The following C11orf24 variants were observed in gnomAD, a reference collection of about 807,000 sequenced individuals.
The protein encoded by C11orf24 is uncharacterized protein C11orf24.
Under a neutral mutation model 7.3 loss-of-function variants are expected in C11orf24, and 5 were observed. The ratio of observed to expected loss-of-function variants is 0.69; its 90% CI spans 0.36 to 1.45. The LOEUF is 1.45. Ranked by LOEUF, C11orf24 falls within the 40% of genes most tolerant of loss-of-function variation. C11orf24 has a pLI of 0.03. For synonymous variants in C11orf24, 233 were observed against 235.7 expected (o/e 0.99, Z 0.11); for missense variants, 566 against 590.5 (o/e 0.96, Z 0.43).
Position 68,261,408 on chromosome 11 carries a change from C to G in C11orf24, c.*237G>C. 1 of 500,282 alleles carries G rather than the reference C, an allele frequency of 2.0e-6. No individual in the cohort carries two copies. Among genetic ancestry groups the G allele is most frequent in the South Asian group, 2.6e-5 (1 of 38,372 alleles). The allele number at this position is 500,282 out of a possible 1,614,324, so 31.0% of individuals were successfully genotyped here. On this transcript the variant is annotated 3_prime_UTR_variant, in exon 4 of 4. Transcript: ENST00000304271. ...GGGAGACGGGGTCCTGCCCGCCCCA[C>G]CCTGAGGTGGAACCCCCAGCTGCTC...
intron 1 of C11orf24, among the ~76,000 whole-genome samples, chr11:68,271,312 A>G (rs2098567820): frequency 6.6e-6 from 1 of 152,178 alleles, no homozygotes; most frequent in Admixed American, 6.5e-5. Flanking sequence ...GGGGGCTACT[A>G]AGTGACTCGC....
At position 68,262,644 on chromosome 11, in the gene C11orf24, G is replaced by C; in HGVS notation, c.351C>G (p.Ala117=). ...PTAVASSTTA[A]SITTAASSMT... Reference sequence around the variant, plus strand: ...TACTGGAGGCCGCAGTCGTAATGGAGGCCGCAGTCGTACTGGAGGCCACAG... The same window carrying C: ...TACTGGAGGCCGCAGTCGTAATGGACGCCGCAGTCGTACTGGAGGCCACAG... Residue 117 remains alanine, a synonymous_variant, in exon 4 of 4, where the codon GCC becomes GCG. Transcript: ENST00000304271. 6.2e-7 allele frequency: 1 copy of C among 1,614,018 alleles called. No homozygotes were observed. Among genetic ancestry groups the C allele is most frequent in the Middle Eastern group, 1.6e-4 (1 of 6,062 alleles).
intron 2 of C11orf24, among the ~76,000 whole-genome samples, chr11:68,265,834 T>C (rs886178503): frequency 2.0e-5 from 3 of 152,158 alleles, no homozygotes; most frequent in Non-Finnish European, 4.4e-5. Context: ...TTTGTTTTGT[T>C]AGATAAAATA....
chr11:68,269,366 G>C (rs2098566757), intron 1 of C11orf24, among the ~76,000 whole-genome samples: 1 of 152,206 alleles, frequency 6.6e-6, no homozygotes, highest in South Asian at 2.1e-4. Context: ...ATAATGCAAA[G>C]ATGTCAACCG....
chr11:68,262,452 G>A lies in C11orf24; in HGVS notation c.543C>T (p.Thr181=), dbSNP rs774065222. ...TGCTGAGAGATGGATGCCCAGTGGC[G>A]GTAGTGGACGGGGTCCGCCCTGTGG... is the stretch of plus-strand genomic sequence containing the variant. ...STSTGRTPST[T]ATGHPSLSTA... Residue 181 remains threonine (T), a synonymous_variant, in exon 4 of 4, where the codon ACC becomes ACT. Coordinates refer to ENST00000304271, the MANE Select transcript of C11orf24 (RefSeq NM_022338.4). 1.9e-5 allele frequency: 30 copies of A among 1,614,036 alleles called. No individual in the cohort carries two copies. The highest frequency in any genetic ancestry group is 4.4e-5 in the South Asian group (4 of 91,094).
At chr11:68,264,549 T>TCTAC in intron 2 of C11orf24, among the ~76,000 whole-genome samples, 1 of 2,444 alleles carries the variant, frequency 4.1e-4, no homozygotes, top group South Asian at 0.012. Flanking sequence ...CATCCATCCA[T>TCTAC]CCATCCACCC....
Position 68,262,727 on chromosome 11 carries a change from T to A in C11orf24, c.268A>T (p.Ser90Cys), listed in dbSNP as rs1250758737. Reference sequence around the variant, plus strand: ...GCACCTCCTGAAGTTGCTGGTTCACTCACATCTGTCCTGCTTGTGTCCTCT... The same window carrying A: ...GCACCTCCTGAAGTTGCTGGTTCACACACATCTGTCCTGCTTGTGTCCTCT... The part of the protein sequence containing the change: ...TTEDTSRTDV[S>C]EPATSGGAAD... Residue 90 changes from serine to cysteine, a missense_variant, in exon 4 of 4, where the codon AGT becomes TGT. Physicochemically the swap from Ser to Cys is moderately radical, Grantham distance 112. Transcript: ENST00000304271. 6 of 1,614,200 alleles carry A rather than the reference T, an allele frequency of 3.7e-6. No individual in the cohort carries two copies. Among genetic ancestry groups the A allele is most frequent in the Non-Finnish European group, 5.1e-6 (6 of 1,180,020 alleles).
chr11:68,262,020 C>T lies in C11orf24; in HGVS notation c.975G>A (p.Gln325=). ...PEMEAMSPTT[Q]PSPMPYTQRA... ...TCTGGGTATATGGCATGGGGCTTGG[C>T]TGTGTCGTGGGGGACATGGCCTCCA... The change falls in exon 4 of 4, where the codon CAG becomes CAA. Residue 325 remains glutamine (Q), a synonymous_variant. Coordinates refer to ENST00000304271, the MANE Select transcript of C11orf24 (RefSeq NM_022338.4). The T allele has an allele frequency of 6.2e-7, 1 of 1,613,960 alleles. No homozygotes were observed. Among genetic ancestry groups the T allele is most frequent in the Non-Finnish European group, 8.5e-7 (1 of 1,180,024 alleles).
intron 2 of C11orf24, among the ~76,000 whole-genome samples, chr11:68,265,969 C>T (rs150322208): frequency 8.9e-4 from 135 of 152,234 alleles, no homozygotes; most frequent in Middle Eastern, 6.8e-3. Context: ...CACTCAGGGA[C>T]GAAGGGGCCA....
Position 68,262,383 on chromosome 11 carries a change from T to C in C11orf24, c.612A>G (p.Thr204=), listed in dbSNP as rs770581850. The C allele has an allele frequency of 4.2e-5, 68 of 1,614,062 alleles. No individual in the cohort carries two copies. The African/African-American group carries it at 8.8e-4, about 21-fold the overall frequency. ...QVPKSSALPR[T]ATLATLATRA... ...GTGTGGCCAATGTGGCCAGGGTTGC[T>C]GTTCTTGGCAACGCGCTGCTCTTTG... Residue 204 remains threonine (T), a synonymous_variant, in exon 4 of 4, where the codon ACA becomes ACG. Coordinates refer to ENST00000304271, the MANE Select transcript of C11orf24 (RefSeq NM_022338.4).
rs773283910 is a variant in C11orf24, at chr11:68,261,860, T to G, written c.1135A>C (p.Ser379Arg). 1.4e-5 allele frequency: 23 copies of G among 1,614,098 alleles called. No individual in the cohort carries two copies. The highest frequency in any genetic ancestry group is 1.7e-5 in the Non-Finnish European group (20 of 1,180,026). ...ACCACCATGTACTGGCCTTGGGTGC[T>G]GGGCTGGCACGAGTCCGTGGCTGGC... ...KMPATDSCQP[S>R]TQGQYMVVTT... The change falls in exon 4 of 4, where the codon AGC (serine) becomes CGC (arginine). Residue 379 changes from serine to arginine, a missense_variant. Transcript: ENST00000304271.
rs1016219484 is a variant in C11orf24 at position 68,265,438 on chromosome 11, T to C, written c.-99-1572A>G. 2.6e-5 allele frequency among the ~76,000 whole-genome samples: 4 copies of C among 152,284 alleles called. No individual in the cohort carries two copies. The South Asian group carries it at 6.2e-4, about 24-fold the overall frequency. ...CAGTGGTCCCCACAGCCGGCCCAAG[T>C]TGCTGTAAAGCAAAGCCCTCTCCTT... On this transcript the variant is annotated intron_variant, in intron 2 of 3. Coordinates refer to ENST00000304271, the MANE Select transcript of C11orf24 (RefSeq NM_022338.4).
At position 68,261,711 on chromosome 11, in the gene C11orf24, G is replaced by T; in HGVS notation, c.1284C>A (p.Tyr428Ter). 6.2e-7 allele frequency: 1 copy of T among 1,614,148 alleles called. No homozygotes were observed. Among genetic ancestry groups the T allele is most frequent in the Non-Finnish European group, 8.5e-7 (1 of 1,180,008 alleles). The change falls in exon 4 of 4, where the codon TAC becomes TAA. Residue 428 changes from tyrosine (Y) to a stop codon, truncating the protein, a stop_gained. Coordinates refer to ENST00000304271, the MANE Select transcript of C11orf24 (RefSeq NM_022338.4). LOFTEE classifies it high-confidence loss of function. ...VLFALQAYES[Y>*]KKKDYTQVDY... is the part of the protein sequence containing the mutation. ...CCACCTGGGTGTAGTCCTTCTTCTT[G>T]TAGCTCTCATAGGCCTGCAGGGCAA...
intron 2 of C11orf24, among the ~76,000 whole-genome samples, chr11:68,264,596 G>GTCCATCCATCCATCCATCCA: frequency 1.0e-4 from 1 of 9,592 alleles, no homozygotes; most frequent in African/African-American, 6.8e-4. Flanking sequence ...CCATCCATAA[G>GTCCATCCATCCATCCATCCA]TCCATCCATC....
intron 3 of C11orf24, 89 bp from the exon 4 acceptor site, chr11:68,263,007 T>G (rs2098562758): frequency 7.7e-7 from 1 of 1,299,442 alleles, no homozygotes; most frequent in Non-Finnish European, 1.1e-6. Flanking sequence ...CACCCAGGCC[T>G]GTGGGGCCCC....
rs2098564373 is a variant in C11orf24, at chr11:68,265,067, GGAAAGCGATGCCTGGGCCGCATTCT to G, written c.-99-1226_-99-1202del. Among the ~76,000 whole-genome samples the G allele has an allele frequency of 3.3e-5, 5 of 151,966 alleles. No individual in the cohort carries two copies. The South Asian group carries it at 8.3e-4, about 25-fold the overall frequency. ...TCGGCATGCCAAGGAAGGCTTCCTG[GGAAAGCGATGCCTGGGCCGCATTCT>G]GAAAGCTGGGTGGGGGTGGGCAGGC... On this transcript the variant is annotated intron_variant, in intron 2 of 3. Transcript: ENST00000304271.
chr11:68,263,384 G>C (rs115026913), intron 3 of C11orf24: 2 of 458,864 alleles, frequency 4.4e-6, no homozygotes, highest in Admixed American at 7.9e-5. Context: ...GAGTGGGAAC[G>C]CAGTTAAAGA....
In C11orf24 at chr11:68,262,440, A is replaced by T; in HGVS notation, c.555T>A (p.His185Gln). The T allele has an allele frequency of 4.3e-6, 7 of 1,614,134 alleles. No homozygotes were observed. The highest frequency in any genetic ancestry group is 5.9e-6 in the Non-Finnish European group (7 of 1,180,010). ...GRTPSTTATGHPSLSTALAQV... is the reference protein window; with the variant it reads ...GRTPSTTATGQPSLSTALAQV... ...GTGCGAGGGCTGTGCTGAGAGATGGATGCCCAGTGGCGGTAGTGGACGGGG... is the reference window on the plus strand; with the variant it reads ...GTGCGAGGGCTGTGCTGAGAGATGGTTGCCCAGTGGCGGTAGTGGACGGGG... Residue 185 changes from histidine to glutamine, a missense_variant, in exon 4 of 4, where the codon CAT (histidine) becomes CAA (glutamine). Physicochemically the swap from His to Gln is conservative, Grantham distance 24. Coordinates refer to ENST00000304271, the MANE Select transcript of C11orf24 (RefSeq NM_022338.4).
chr11:68,261,836 C>T lies in C11orf24; in HGVS notation c.1159G>A (p.Val387Ile). The part of the protein sequence containing the change: ...QPSTQGQYMV[V>I]TTEPLTQAVV... ...GCCTGGGTGAGGGGCTCAGTGGTGA[C>T]CACCATGTACTGGCCTTGGGTGCTG... Residue 387 changes from valine to isoleucine, a missense_variant, in exon 4 of 4, where the codon GTC (valine) becomes ATC (isoleucine). Val to Ile is a conservative substitution (Grantham distance 29). Coordinates refer to ENST00000304271, the MANE Select transcript of C11orf24 (RefSeq NM_022338.4). 1 of 1,614,156 alleles carries T rather than the reference C, an allele frequency of 6.2e-7. No homozygotes were observed. Among genetic ancestry groups the T allele is most frequent in the South Asian group, 1.1e-5 (1 of 91,088 alleles).
Sources: allele counts gnomAD v4.1 joint callset (sites outside exome capture counted in the v4.1 genomes callset), GRCh38; gene constraint gnomAD v4.1.1; transcripts MANE v1.5; gene names NCBI Gene and HGNC (gene_info 2026-07-23, HGNC 2026-07-21).